BBOF1: variants seen among roughly 807,000 people sequenced by gnomAD.
BBOF1 encodes the protein basal body-orientation factor 1.
Under a neutral mutation model 68.0 loss-of-function variants are expected in BBOF1, and 62 were observed. The observed-to-expected ratio is 0.91, with a 90% CI of 0.74 to 1.13. The LOEUF (loss-of-function observed/expected upper bound fraction) is 1.13, where lower values mean the gene tolerates loss of function less well. BBOF1 is among the 50% of genes most tolerant of loss of function. The pLI, the probability that BBOF1 is intolerant of heterozygous loss-of-function variation, is 0.00. For synonymous variants in BBOF1, 208 were observed against 198.8 expected (o/e 1.05, Z -0.39); for missense variants, 534 against 600.1 (o/e 0.89, Z 1.15).
At chr14:74,031,217 G>GA (rs1244272940) in intron 3 of BBOF1, among the ~76,000 whole-genome samples, 2 of 151,696 alleles carry the variant, frequency 1.3e-5, no homozygotes, top group African/African-American at 4.8e-5. Flanking sequence ...GGGTTCAAGG[G>GA]ATCCTCCCAC....
chr14:74,075,942 AAT>A (rs2139805382), intron 9 of BBOF1, among the ~76,000 whole-genome samples: 1 of 152,338 alleles, frequency 6.6e-6, no homozygotes, highest in East Asian at 1.9e-4. Flanking sequence ...AAATAGTCAT[AAT>A]AATTATGGCA....
intron 5 of BBOF1, among the ~76,000 whole-genome samples, chr14:74,042,214 G>T (rs992652232): frequency 6.6e-6 from 1 of 152,178 alleles, no homozygotes; most frequent in Non-Finnish European, 1.5e-5. Context: ...ATAGAAAGTG[G>T]CTCTAGGTTC....
chr14:74,053,807 G>A (rs939179674), intron 8 of BBOF1, among the ~76,000 whole-genome samples: 1 of 151,910 alleles, frequency 6.6e-6, no homozygotes, highest in African/African-American at 2.4e-5. Flanking sequence ...CACCTCCCGG[G>A]TTTAAGCGAT....
chr14:74,026,504 A>C (rs2059431316), intron 2 of BBOF1, among the ~76,000 whole-genome samples: 1 of 152,008 alleles, frequency 6.6e-6, no homozygotes, highest in Non-Finnish European at 1.5e-5. Flanking sequence ...GAAAATAAAA[A>C]ATTTTAAAGG....
Position 74,065,497 on chromosome 14 carries a change from C to A in BBOF1, c.*798C>A. ...TTACTAATCTCTTTTCATTTCAAAT[C>A]ACCTATTTAAAAAAAAAGTCCTCTC... On this transcript the variant is annotated 3_prime_UTR_variant, in exon 12 of 12. Transcript: ENST00000394009. The A allele has an allele frequency of 2.4e-6, 2 of 843,196 alleles. No homozygotes were observed. The highest frequency in any genetic ancestry group is 4.6e-5 in the Admixed American group (2 of 43,546). The allele number at this position is 843,196 out of a possible 1,614,324, so 52.2% of individuals were successfully genotyped here. A position where few individuals can be genotyped will look rare whatever the true frequency, so the allele number is the denominator to read the frequency against.
Position 74,049,856 on chromosome 14 carries a change from A to T in BBOF1, c.947A>T (p.His316Leu). The change falls in exon 8 of 12, where the codon CAC becomes CTC. Residue 316 changes from histidine (H) to leucine (L), a missense_variant. Coordinates refer to ENST00000394009, the MANE Select transcript of BBOF1 (RefSeq NM_025057.3). ...FESEVLKLQQ[H>L]AMIENQAGQV... ...AGTGAAGTTTTAAAACTGCAGCAAC[A>T]CGCAATGATAGAGAACCAAGCAGGT... 6.2e-7 allele frequency: 1 copy of T among 1,614,152 alleles called. No homozygotes were observed. The highest frequency in any genetic ancestry group is 8.5e-7 in the Non-Finnish European group (1 of 1,180,028).
At position 74,034,059 on chromosome 14, in the gene BBOF1, T is replaced by C. The variant is rs551672495; in HGVS notation, c.383T>C (p.Leu128Pro). 7 of 1,606,590 alleles carry C rather than the reference T, an allele frequency of 4.4e-6. No homozygotes were observed. The highest frequency in any genetic ancestry group is 4.0e-5 in the African/African-American group (3 of 74,596). The change falls in exon 4 of 12, where the codon CTA (leucine) becomes CCA (proline). Residue 128 changes from leucine to proline, a missense_variant. Leu to Pro is a moderately conservative substitution (Grantham distance 98). Coordinates refer to ENST00000394009, the MANE Select transcript of BBOF1 (RefSeq NM_025057.3). ...EQKYTRQINE[L>P]EGQFHQKAKE... ...AAGTATACCAGGCAAATTAATGAACTAGAGGGACAGTTCCATCAAAAAGCC... is the reference window on the plus strand; with the variant it reads ...AAGTATACCAGGCAAATTAATGAACCAGAGGGACAGTTCCATCAAAAAGCC...
intron 5 of BBOF1, among the ~76,000 whole-genome samples, chr14:74,045,020 G>A (rs925871180): frequency 5.3e-5 from 8 of 152,118 alleles, no homozygotes; most frequent in Non-Finnish European, 7.4e-5. Context: ...AAACATGAGC[G>A]AGCAGGCCCG....
intron 5 of BBOF1, among the ~76,000 whole-genome samples, chr14:74,041,484 TTAA>T: frequency 6.6e-6 from 1 of 151,420 alleles, no homozygotes; most frequent in Admixed American, 6.7e-5. Flanking sequence ...TAGGGAATAA[TTAA>T]ATAGATTCTT....
intron 10 of BBOF1, among the ~76,000 whole-genome samples, chr14:74,079,036 TG>T (rs1283553963): frequency 6.6e-6 from 1 of 151,780 alleles, no homozygotes; most frequent in Non-Finnish European, 1.5e-5. Context: ...ATATGCTCCT[TG>T]GGTGATTTTA....
At chr14:74,067,317 A>C, downstream of BBOF1, 1 of 1,588,462 alleles carries the variant, frequency 6.3e-7, no homozygotes, top group East Asian at 2.2e-5. Context: ...GGCCAGTGAC[A>C]GAACCCAAGA....
intron 8 of BBOF1, among the ~76,000 whole-genome samples, chr14:74,054,174 C>T (rs547767084): frequency 5.3e-5 from 8 of 151,872 alleles, no homozygotes; most frequent in Admixed American, 1.3e-4. Context: ...CTGCGCGCAG[C>T]CTAATTTTCG....
At chr14:74,050,331 C>G in intron 8 of BBOF1, 136 bp downstream of exon 8, 1 of 965,338 alleles carries the variant, frequency 1.0e-6, no homozygotes, top group South Asian at 2.1e-5. Flanking sequence ...AGGACAGGAA[C>G]TGACTTATTC....
chr14:74,052,892 C>T (rs937316545), intron 8 of BBOF1, among the ~76,000 whole-genome samples: 3 of 148,934 alleles, frequency 2.0e-5, no homozygotes, highest in Non-Finnish European at 3.0e-5. Context: ...CCCATCTACT[C>T]GGGAGGCTGA....
intron 1 of BBOF1, among the ~76,000 whole-genome samples, chr14:74,022,711 C>CT (rs1012627030): frequency 3.3e-5 from 5 of 151,434 alleles, no homozygotes; most frequent in African/African-American, 9.7e-5. Flanking sequence ...ATATGTATTT[C>CT]TTTTTTTTTC....
chr14:74,056,288 C>T (rs1208365712), intron 9 of BBOF1, among the ~76,000 whole-genome samples: 2 of 150,402 alleles, frequency 1.3e-5, no homozygotes, highest in Non-Finnish European at 2.9e-5. Context: ...GCAACCTCTG[C>T]CTCCTGGTTC....
In BBOF1 at chr14:74,047,890, A is replaced by G. The variant is rs188522875; in HGVS notation, c.648-40A>G. The G allele has an allele frequency of 7.8e-5, 120 of 1,545,024 alleles. No individual in the cohort carries two copies. In the African/African-American group the frequency reaches 1.6e-3, roughly 20 times the overall value. On this transcript the variant is annotated intron_variant, in intron 6 of 11. Transcript: ENST00000394009. ...CATTTTTCTATTTTGGCGATATCTA[A>G]AAGTTAGACCTGTGTTTTGAGATCT...
At chr14:74,027,702 A>G (rs534436656) in intron 2 of BBOF1, among the ~76,000 whole-genome samples, 2 of 152,234 alleles carry the variant, frequency 1.3e-5, no homozygotes, top group African/African-American at 4.8e-5. Flanking sequence ...ATGTACTGAA[A>G]AGGATACATC....
Position 74,065,806 on chromosome 14 carries a change from C to A in BBOF1, c.*1107C>A. On this transcript the variant is annotated 3_prime_UTR_variant, in exon 12 of 12. Transcript: ENST00000394009. ...CATAAATAATCCATTCTTATTCACT[C>A]CTTTGCCTCCCAAATATGTCTGTAT... 5.4e-6 allele frequency: 1 copy of A among 184,758 alleles called. No homozygotes were observed. Among genetic ancestry groups the A allele is most frequent in the Non-Finnish European group, 1.1e-5 (1 of 87,072 alleles). 11.4% of individuals were successfully genotyped at this position (184,758 alleles called of 1,614,324 possible). A position where few individuals can be genotyped will look rare whatever the true frequency, so the allele number is the denominator to read the frequency against.
Sources: allele counts gnomAD v4.1 joint callset (sites outside exome capture counted in the v4.1 genomes callset), GRCh38; gene constraint gnomAD v4.1.1; transcripts MANE v1.5; gene names NCBI Gene and HGNC (gene_info 2026-07-23, HGNC 2026-07-21).